COG6: variants seen among roughly 807,000 people sequenced by gnomAD.
COG6 encodes conserved oligomeric Golgi complex subunit 6.
Under a neutral mutation model 88.8 loss-of-function variants are expected in COG6, and 74 were observed. The observed-to-expected ratio is 0.83, with a 90% CI of 0.69 to 1.01. COG6 has a LOEUF of 1.01. Ranked by LOEUF, COG6 falls within the 50% of genes least tolerant of loss-of-function variation. The probability of loss-of-function intolerance (pLI) is 0.00; values close to 1 mark genes in which losing one functional copy is unlikely to be tolerated. For synonymous variants in COG6, 286 were observed against 278.7 expected (o/e 1.03, Z -0.26); for missense variants, 800 against 797.9 (o/e 1.00, Z -0.03).
chr13:39,700,427 C>T (rs1305019816), intron 13 of COG6, among the ~76,000 whole-genome samples: 1 of 151,900 alleles, frequency 6.6e-6, no homozygotes, highest in African/African-American at 2.4e-5. Context: ...TCCTGACCCA[C>T]ATGCATGACT....
At chr13:39,783,025 A>G (rs1267103892) in intron 18 of COG6, among the ~76,000 whole-genome samples, 3 of 152,156 alleles carry the variant, frequency 2.0e-5, no homozygotes, top group Non-Finnish European at 2.9e-5. Context: ...GAACTTTTCT[A>G]TACATATATT....
At chr13:39,755,584 C>CATATTTCT (rs1566041148), downstream of COG6, among the ~76,000 whole-genome samples, 3 of 152,184 alleles carry the variant, frequency 2.0e-5, no homozygotes, top group Non-Finnish European at 2.9e-5. Context: ...AAAGCTCTTA[C>CATATTTCT]GTATTTCTGG....
intron 1 of COG6, chr13:39,657,035 T>C (rs1874555250): frequency 2.9e-6 from 1 of 341,342 alleles, no homozygotes; most frequent in Non-Finnish European, 5.8e-6. Context: ...ATAGATAACA[T>C]GGCCTTCTTT....
At chr13:39,694,752 C>T in intron 12 of COG6, 27 bp downstream of exon 12, 2 of 1,209,334 alleles carry the variant, frequency 1.7e-6, no homozygotes, top group Non-Finnish European at 2.4e-6. Flanking sequence ...AATGTGCTTG[C>T]TAAATCCAAT....
intron 11 of COG6, among the ~76,000 whole-genome samples, chr13:39,690,620 A>G (rs1876928922): frequency 6.6e-6 from 1 of 151,858 alleles, no homozygotes; most frequent in African/African-American, 2.4e-5. Flanking sequence ...TTAGTAATTA[A>G]TTTTTCAAGA....
rs1329863592 is a variant in COG6 at position 39,717,812 on chromosome 13, G to A, written c.1285-1424G>A. 3.9e-5 allele frequency among the ~76,000 whole-genome samples: 6 copies of A among 152,214 alleles called. No individual in the cohort carries two copies. The East Asian group carries it at 9.7e-4, about 25-fold the overall frequency. On this transcript the variant is annotated intron_variant, in intron 13 of 18. Coordinates refer to ENST00000455146, the MANE Select transcript of COG6 (RefSeq NM_020751.3). ...CTCGAGCATGCAGTGAGCTGTGATT[G>A]CACCACTGCACTTTATCCTGAGTGA...
intron 4 of COG6, among the ~76,000 whole-genome samples, chr13:39,670,641 A>G (rs1335666082): frequency 6.6e-6 from 1 of 152,012 alleles, no homozygotes; most frequent in African/African-American, 2.4e-5. Context: ...TACATTAAAG[A>G]CTGTTGCCCC....
At chr13:39,668,647 G>A (rs931964057) in intron 4 of COG6, among the ~76,000 whole-genome samples, 3 of 151,994 alleles carry the variant, frequency 2.0e-5, no homozygotes, top group South Asian at 4.2e-4. Context: ...AATTAGCCGG[G>A]CGTGGTGGCG....
intron 18 of COG6, among the ~76,000 whole-genome samples, chr13:39,731,083 A>C (rs1879422307): frequency 6.6e-6 from 1 of 152,026 alleles, no homozygotes; most frequent in Non-Finnish European, 1.5e-5. Context: ...TTGACCTCCC[A>C]AAGTGCTGGG....
chr13:39,719,419 C>G, intron 14 of COG6, 52 bp downstream of exon 14: 1 of 1,558,606 alleles, frequency 6.4e-7, no homozygotes, highest in Non-Finnish European at 8.8e-7. Context: ...CTATTGTACA[C>G]TGTGTTTCAA....
At chr13:39,788,400 C>G (rs750304752) in exon 19 of COG6, 5 of 1,546,460 alleles carry the variant, frequency 3.2e-6, no homozygotes, top group Non-Finnish European at 3.5e-6. Context: ...TGGAGCCATT[C>G]CAGTTGTGGG....
intron 13 of COG6, among the ~76,000 whole-genome samples, chr13:39,700,130 T>C (rs1877497219): frequency 6.6e-6 from 1 of 151,856 alleles, no homozygotes; most frequent in African/African-American, 2.4e-5. Flanking sequence ...TCTAATATCT[T>C]AAATTGAGCA....
rs955376470 is a variant in COG6 at position 39,679,331 on chromosome 13, A to C, written c.541-207A>C. The C allele has an allele frequency of 8.9e-6, 5 of 558,694 alleles. No individual in the cohort carries two copies. The Admixed American group carries it at 1.3e-4, about 14-fold the overall frequency. The allele number at this position is 558,694 out of a possible 1,614,324, so 34.6% of individuals were successfully genotyped here. On this transcript the variant is annotated intron_variant, in intron 5 of 18. Coordinates refer to ENST00000455146, the MANE Select transcript of COG6 (RefSeq NM_020751.3). ...CAACACTATTTGGCACATAGTAGAA[A>C]CTGAATTAATATATTAATATGTCTT...
At chr13:39,723,530 C>T (rs1371503147) in intron 16 of COG6, 90 bp downstream of exon 16, 1 of 776,206 alleles carries the variant, frequency 1.3e-6, no homozygotes, top group Non-Finnish European at 2.3e-6. Context: ...TTGGCTCTAC[C>T]ACATATTAGC....
rs779342482 is a variant in COG6, at chr13:39,719,237, T to C, written c.1286T>C (p.Val429Ala). Reference sequence around the variant, plus strand: ...TGGGTAAATCATCTCTTGTTTTAGGTTGAACTCCCACCACCTGATCTTGGA... The same window carrying C: ...TGGGTAAATCATCTCTTGTTTTAGGCTGAACTCCCACCACCTGATCTTGGA... The part of the protein sequence containing the change: ...SLHASKLMDK[V>A]ELPPPDLGPS... Residue 429 changes from valine (V) to alanine (A), a missense_variant and splice_region_variant, in exon 14 of 19, where the codon GTT becomes GCT. Physicochemically the swap from Val to Ala is moderately conservative, Grantham distance 64. Coordinates refer to ENST00000455146, the MANE Select transcript of COG6 (RefSeq NM_020751.3). The C allele has an allele frequency of 9.9e-6, 16 of 1,612,294 alleles. No individual in the cohort carries two copies. The highest frequency in any genetic ancestry group is 2.2e-5 in the East Asian group (1 of 44,814).
At chr13:39,668,018 T>A (rs560412691) in intron 4 of COG6, among the ~76,000 whole-genome samples, 33 of 152,278 alleles carry the variant, frequency 2.2e-4, no homozygotes, top group East Asian at 1.5e-3. Context: ...GCTTTTTTTT[T>A]AAAATCACTG....
chr13:39,762,687 C>A (rs1193013297), intron 18 of COG6, among the ~76,000 whole-genome samples: 2 of 150,548 alleles, frequency 1.3e-5, no homozygotes, highest in African/African-American at 4.9e-5. Flanking sequence ...TAGATCGAGG[C>A]ACCTTCATAA....
At chr13:39,679,346 T>C in intron 5 of COG6, 192 bp from the exon 6 acceptor site, 1 of 585,028 alleles carries the variant, frequency 1.7e-6, no homozygotes, top group Non-Finnish European at 3.1e-6. Flanking sequence ...ATTAATATAT[T>C]AATATGTCTT....
At position 39,765,481 on chromosome 13, in the gene COG6, G is replaced by T. The variant is rs116155310; in HGVS notation, c.1827-22854G>T. 7.1e-3 allele frequency among the ~76,000 whole-genome samples: 1,082 copies of T among 152,194 alleles called. 15 individuals carry two copies. Among genetic ancestry groups the T allele is most frequent in the African/African-American group, 0.025 (1,033 of 41,526 alleles). The stretch of plus-strand genomic sequence containing the variant: ...AAAGATCTAGATATCTCATATACTA[G>T]AAATAATCTTATTTCACTCACTGAA... On this transcript the variant is annotated intron_variant, in intron 18 of 18. Transcript: ENST00000416691.
Sources: gnomAD v4.1 joint callset for allele counts (sites outside exome capture counted in the v4.1 genomes callset) on GRCh38, gnomAD v4.1.1 for gene constraint, MANE v1.5 for transcripts, NCBI Gene and HGNC (gene_info 2026-07-23, HGNC 2026-07-21) for gene names.